RNF213: variants seen among roughly 807,000 people sequenced by gnomAD.
RNF213 encodes the protein ring finger protein 213.
Under a neutral mutation model 514.4 loss-of-function variants are expected in RNF213, and 341 were observed. That is an observed-to-expected ratio of 0.66 (90% CI 0.61 to 0.73). RNF213 has a LOEUF of 0.73. Among genes scored for constraint, RNF213 ranks in the 30% least tolerant of loss-of-function variants. The pLI, the probability that RNF213 is intolerant of heterozygous loss-of-function variation, is 0.00. For synonymous variants in RNF213, 2,655 were observed against 2,658.2 expected (o/e 1.00, Z 0.04); for missense variants, 5,767 against 6,615.6 (o/e 0.87, Z 4.45).
rs1033297300 is a variant in RNF213 at position 80,285,295 on chromosome 17, C to A, written c.262-2520C>A. On this transcript the variant is annotated intron_variant, in intron 3 of 67. Transcript: ENST00000582970. ...AGTGACCCACCTGGGGTTGCCCAGCCATTGTAGCATGGGGTGAGCTGGATG... is the reference window on the plus strand; with the variant it reads ...AGTGACCCACCTGGGGTTGCCCAGCAATTGTAGCATGGGGTGAGCTGGATG... 5.3e-5 allele frequency among the ~76,000 whole-genome samples: 8 copies of A among 152,336 alleles called. 1 individual carries two copies. The highest frequency in any genetic ancestry group is 5.2e-4 in the Admixed American group (8 of 15,302).
Position 80,288,597 on chromosome 17 carries a change from T to G in RNF213, c.811-36T>G. On this transcript the variant is annotated intron_variant, in intron 4 of 67. Coordinates refer to ENST00000582970, the MANE Select transcript of RNF213 (RefSeq NM_001256071.3). The surrounding 1 kb of genome is among the most constrained non-coding windows in gnomAD (Gnocchi z 4.9). ...TTGAGTCGGAGTCACCCTGGCCCAT[T>G]TTGTCACCTTGGCTCTGGTGTTTGG... The G allele has an allele frequency of 6.2e-7, 1 of 1,614,062 alleles. No individual in the cohort carries two copies. The highest frequency in any genetic ancestry group is 8.5e-7 in the Non-Finnish European group (1 of 1,180,000).
At chr17:80,350,886 A>G (rs1242182277) in intron 31 of RNF213, among the ~76,000 whole-genome samples, 1 of 152,250 alleles carries the variant, frequency 6.6e-6, no homozygotes, top group Non-Finnish European at 1.5e-5. Context: ...GTGTTTGTAG[A>G]CATGTTTTGG....
Position 80,317,748 on chromosome 17 carries a change from C to A in RNF213, c.2901+471C>A, listed in dbSNP as rs929107026. 6.6e-6 allele frequency among the ~76,000 whole-genome samples: 1 copy of A among 152,198 alleles called. No homozygotes were observed. Among genetic ancestry groups the A allele is most frequent in the African/African-American group, 2.4e-5 (1 of 41,456 alleles). On this transcript the variant is annotated intron_variant, in intron 16 of 67. Transcript: ENST00000582970. This position sits in a 1 kb window ranked among gnomAD's most constrained non-coding sequence, Gnocchi z 4.1. ...GCATGTTACAGTGCTCTCTTAGCTCCGCCGTCTATGGACAGTAGTGTGTTA... is the reference window on the plus strand; with the variant it reads ...GCATGTTACAGTGCTCTCTTAGCTCAGCCGTCTATGGACAGTAGTGTGTTA...
intron 17 of RNF213, chr17:80,320,183 C>A: frequency 5.1e-6 from 1 of 195,126 alleles, no homozygotes; most frequent in Non-Finnish European, 9.4e-6. Flanking sequence ...ATCCTCCTCC[C>A]CTCTAGTCAC....
In RNF213 at chr17:80,295,541, C is replaced by T. The variant is rs368461436; in HGVS notation, c.1756-16C>T. ...AAGTCCATGGTTCATGCATCTTCCT[C>T]TTCTCCCACCATCAGGTGAAGAGAT... On this transcript the variant is annotated splice_polypyrimidine_tract_variant and intron_variant, in intron 9 of 67. Transcript: ENST00000582970. 177 of 1,614,054 alleles carry T rather than the reference C, an allele frequency of 1.1e-4. No homozygotes were observed. Among genetic ancestry groups the T allele is most frequent in the Non-Finnish European group, 1.3e-4 (159 of 1,179,968 alleles).
At position 80,317,114 on chromosome 17, in the gene RNF213, C is replaced by A; in HGVS notation, c.2812-74C>A. ...TCTCTGTATTGCCGTAATGCTCTGTCTTTCTCCTTTCATGGGAGTGTGCCG... is the reference window on the plus strand; with the variant it reads ...TCTCTGTATTGCCGTAATGCTCTGTATTTCTCCTTTCATGGGAGTGTGCCG... On this transcript the variant is annotated intron_variant, in intron 15 of 67. Transcript: ENST00000582970. This position sits in a 1 kb window ranked among gnomAD's most constrained non-coding sequence, Gnocchi z 4.1. The A allele has an allele frequency of 6.0e-6, 9 of 1,496,714 alleles. No individual in the cohort carries two copies. The highest frequency in any genetic ancestry group is 8.3e-6 in the Non-Finnish European group (9 of 1,087,314). The allele number at this position is 1,496,714 out of a possible 1,614,324, so 92.7% of individuals were successfully genotyped here.
chr17:80,282,698 T>G (rs2044342853), intron 3 of RNF213, among the ~76,000 whole-genome samples: 1 of 151,716 alleles, frequency 6.6e-6, no homozygotes, highest in African/African-American at 2.4e-5. Context: ...GCACCCGGCC[T>G]ATTATTACTA....
intron 17 of RNF213, among the ~76,000 whole-genome samples, chr17:80,324,116 C>T (rs891899234): frequency 1.3e-5 from 2 of 152,148 alleles, no homozygotes; most frequent in Admixed American, 6.5e-5. Flanking sequence ...TGGCTAGAAC[C>T]TCCAGTACAA....
rs919618878 is a variant in RNF213, at chr17:80,268,430, C to T, written c.97+4652C>T. 2.0e-5 allele frequency among the ~76,000 whole-genome samples: 3 copies of T among 150,930 alleles called. No homozygotes were observed. In the South Asian group the frequency reaches 6.3e-4, roughly 32 times the overall value. On this transcript the variant is annotated intron_variant, in intron 2 of 67. Transcript: ENST00000582970. ...TGCAGGGATTAGTGCCACCACCAAGCACTCCAAAGATGCAGGGGTGGGGAT... is the reference window on the plus strand; with the variant it reads ...TGCAGGGATTAGTGCCACCACCAAGTACTCCAAAGATGCAGGGGTGGGGAT...
chr17:80,360,561 G>T (rs2079017927), intron 38 of RNF213, among the ~76,000 whole-genome samples: 1 of 152,152 alleles, frequency 6.6e-6, no homozygotes, highest in Non-Finnish European at 1.5e-5. Context: ...GGCCTTCTCA[G>T]ACTGGGGCAC....
At chr17:80,344,570 G>T in intron 28 of RNF213, 108 bp from the exon 29 acceptor site, 1 of 1,236,168 alleles carries the variant, frequency 8.1e-7, no homozygotes, top group Non-Finnish European at 1.2e-6. Context: ...TTTTCAGTGC[G>T]TTTTTCATAA....
At position 80,373,102 on chromosome 17, in the gene RNF213, G is replaced by A. The variant is rs954930838; in HGVS notation, c.12879G>A (p.Gln4293=). 1.2e-6 allele frequency: 2 copies of A among 1,613,694 alleles called. No homozygotes were observed. The highest frequency in any genetic ancestry group is 2.7e-5 in the African/African-American group (2 of 74,988). The change falls in exon 49 of 68, where the codon CAG becomes CAA. Residue 4293 remains glutamine, a synonymous_variant. Transcript: ENST00000582970. ...GCCAGCGGGGGATGGAGTTCGTGCA[G>A]GGCCTCTCCAAGCCCGGCCGCCCGC... is the stretch of plus-strand genomic sequence containing the variant. ...LSSQRGMEFV[Q]GLSKPGRPHQ... is the part of the protein sequence containing the mutation.
In RNF213 at chr17:80,369,643, A is replaced by C; in HGVS notation, c.12297A>C (p.Gln4099His). 6.2e-7 allele frequency: 1 copy of C among 1,614,214 alleles called. No individual in the cohort carries two copies. Among genetic ancestry groups the C allele is most frequent in the Non-Finnish European group, 8.5e-7 (1 of 1,180,030 alleles). ...IESLLSLLFV[Q>H]KGRLRDAAQR... Reference sequence around the variant, plus strand: ...GCCTGCTCTCTCTCCTCTTCGTCCAAAAGGGGCGCTTAAGAGATGCTGCCC... The same window carrying C: ...GCCTGCTCTCTCTCCTCTTCGTCCACAAGGGGCGCTTAAGAGATGCTGCCC... The change falls in exon 45 of 68, where the codon CAA becomes CAC. Residue 4099 changes from glutamine to histidine, a missense_variant. Gln to His is a conservative substitution (Grantham distance 24). Transcript: ENST00000582970.
Position 80,390,881 on chromosome 17 carries a change from G to A in RNF213, c.15470+685G>A, listed in dbSNP as rs142250065. Reference sequence around the variant, plus strand: ...AGTTCAAGACCAGCCTGGCCAACTGGTGAAACTCTGTTTCTACTAAAAATA... The same window carrying A: ...AGTTCAAGACCAGCCTGGCCAACTGATGAAACTCTGTTTCTACTAAAAATA... On this transcript the variant is annotated intron_variant, in intron 67 of 67. Transcript: ENST00000582970. Among the ~76,000 whole-genome samples, 154 of 152,076 alleles carry A rather than the reference G, an allele frequency of 1.0e-3. 4 individuals carry two copies. In the South Asian group the frequency reaches 0.031, roughly 30 times the overall value.
At position 80,334,514 on chromosome 17, in the gene RNF213, G is replaced by A. The variant is rs149527973; in HGVS notation, c.4309+244G>A. The A allele has an allele frequency of 1.8e-4, 70 of 393,164 alleles. 1 individual carries two copies. The highest frequency in any genetic ancestry group is 1.1e-3 in the African/African-American group (54 of 49,090). 24.4% of individuals were successfully genotyped at this position (393,164 alleles called of 1,614,324 possible). A position where few individuals can be genotyped will look rare whatever the true frequency, so the allele number is the denominator to read the frequency against. On this transcript the variant is annotated intron_variant, in intron 22 of 67. Transcript: ENST00000582970. ...GCCACACCCCGCCACTTCGGAAGCT[G>A]TAAATGGCTCAGGTTCCTTTTCCTT...
intron 1 of RNF213, among the ~76,000 whole-genome samples, chr17:80,262,623 C>T (rs947372717): frequency 6.6e-6 from 1 of 152,176 alleles, no homozygotes; most frequent in African/African-American, 2.4e-5. Flanking sequence ...CCTTTATAGC[C>T]TTTTACAAAA....
Position 80,373,040 on chromosome 17 carries a change from G to T in RNF213, c.12817G>T (p.Asp4273Tyr), listed in dbSNP as rs141329059. The T allele has an allele frequency of 2.5e-6, 4 of 1,614,006 alleles. No homozygotes were observed. In the South Asian group the frequency reaches 3.3e-5, roughly 13 times the overall value. The change falls in exon 49 of 68, where the codon GAC (aspartate) becomes TAC (tyrosine). Residue 4273 changes from aspartate to tyrosine, a missense_variant. Physicochemically the swap from Asp to Tyr is radical, Grantham distance 160. Transcript: ENST00000582970. ...VKQFCIRVEN[D>Y]WHRVYLVRKL... is the part of the protein sequence containing the mutation. ...GCAGTTCTGTATCCGGGTGGAGAAC[G>T]ACTGGCACCGGGTGTACCTGGTGCG...
At chr17:80,384,505 C>T (rs922143811) in intron 59 of RNF213, among the ~76,000 whole-genome samples, 1 of 152,204 alleles carries the variant, frequency 6.6e-6, no homozygotes, top group African/African-American at 2.4e-5. Flanking sequence ...CTATTATTTG[C>T]TGTCTAGCAA....
intron 3 of RNF213, among the ~76,000 whole-genome samples, chr17:80,282,874 T>G (rs577969188): frequency 5.3e-5 from 8 of 151,686 alleles, no homozygotes; most frequent in Admixed American, 3.3e-4. Flanking sequence ...ATTTTTGTAT[T>G]TTTAGTAGAG....
Sources: allele counts gnomAD v4.1 joint callset (sites outside exome capture counted in the v4.1 genomes callset), GRCh38; gene constraint gnomAD v4.1.1; non-coding constraint Gnocchi (gnomAD v3.1); transcripts MANE v1.5; gene names NCBI Gene and HGNC (gene_info 2026-07-23, HGNC 2026-07-21).